Variants in RIF1 observed in about 807,000 individuals in gnomAD.
The protein encoded by RIF1 is telomere-associated protein RIF1.
In RIF1, 45 loss-of-function variants were observed where a neutral mutation model predicts 247.1. The observed-to-expected ratio is 0.18, with a 90% CI of 0.14 to 0.23. The LOEUF is 0.23. Ranked by LOEUF, RIF1 falls within the 10% of genes least tolerant of loss-of-function variation. The pLI is 1.00. For synonymous variants in RIF1, 1,087 were observed against 978.8 expected, an observed-to-expected ratio of 1.11 and a Z score of -2.06; for missense variants, 2,967 against 2,862.5, an observed-to-expected ratio of 1.04 and a Z score of -0.83.
chr2:151,448,478 T>TA (rs1381557463), intron 20 of RIF1, among the ~76,000 whole-genome samples: 1 of 152,228 alleles, frequency 6.6e-6, no homozygotes, highest in Non-Finnish European at 1.5e-5. Flanking sequence ...TTTATATACA[T>TA]ATCCTCTACT....
chr2:151,489,896 C>T (rs562192701), intron 9 of RIF1: 1 of 1,167,148 alleles, frequency 8.6e-7, no homozygotes, highest in Non-Finnish European at 1.3e-6. Context: ...AACCGTAATA[C>T]CTAATACTTA....
At chr2:151,520,039 C>CAAA in the RIF1 span, 3 of 157,848 alleles carry the variant, frequency 1.9e-5, no homozygotes, top group Non-Finnish European at 3.9e-5. Flanking sequence ...TAATGCAAAA[C>CAAA]AAAAAAAAAA....
rs879117192 is a variant in RIF1, at chr2:151,496,676, G to A, written c.*513+1350G>A. Among the ~76,000 whole-genome samples the A allele has an allele frequency of 3.3e-5, 5 of 152,122 alleles. No individual in the cohort carries two copies. The South Asian group carries it at 1.0e-3, about 32-fold the overall frequency. ...ATCACATGAGGATTTGAGACTGTTA[G>A]AACTCAGTGTTGTTATCCACACAAA... On this transcript the variant is annotated intron_variant and NMD_transcript_variant, in intron 10 of 13. Coordinates refer to the RIF1 transcript ENST00000454583.
the RIF1 span, chr2:151,514,297 G>A: frequency 2.0e-6 from 3 of 1,510,854 alleles, no homozygotes; most frequent in Admixed American, 5.0e-5. Context: ...ATTACGTGCA[G>A]GCAGTCAGCT....
At position 151,428,795 on chromosome 2, in the gene RIF1, A is replaced by T. The variant is rs144765442; in HGVS notation, c.798A>T (p.Arg266=). 9 of 1,604,902 alleles carry T rather than the reference A, an allele frequency of 5.6e-6. No individual in the cohort carries two copies. The African/African-American group carries it at 9.4e-5, about 17-fold the overall frequency. ...TTTCCCCTTTTTAGACCTTGCATCG[A>T]AGTGGGAGTTTCATCAATTCTCTCT... ...FVKLLGRTLH[R]SGSFINSLLQ... The change falls in exon 9 of 36, where the codon CGA becomes CGT. Residue 266 remains arginine (R), a synonymous_variant. Coordinates refer to ENST00000444746, the MANE Select transcript of RIF1 (RefSeq NM_018151.5).
Position 151,465,860 on chromosome 2 carries a change from C to T in RIF1, c.6340C>T (p.His2114Tyr), listed in dbSNP as rs2152505852. ...GGAAAGTGATATTTTACAGGAAGAT[C>T]ACCATACTTCACAGAAAGTGGAGGA... ...VMESDILQED[H>Y]HTSQKVEEPS... is the part of the protein sequence containing the mutation. The change falls in exon 30 of 36, where the codon CAC (histidine) becomes TAC (tyrosine). Residue 2114 changes from histidine (H) to tyrosine (Y), a missense_variant. Around this residue, in one of 7 missense-constraint regions of RIF1, gnomAD observed 2,028 missense variants for 1,825.6 expected, o/e 1.11. Coordinates refer to ENST00000444746, the MANE Select transcript of RIF1 (RefSeq NM_018151.5). 1 of 1,613,028 alleles carries T rather than the reference C, an allele frequency of 6.2e-7. No individual in the cohort carries two copies. Among genetic ancestry groups the T allele is most frequent in the Non-Finnish European group, 8.5e-7 (1 of 1,178,984 alleles).
intron 25 of RIF1, 96 bp from the exon 26 acceptor site, chr2:151,459,904 G>A (rs1034644804): frequency 3.1e-6 from 3 of 983,400 alleles, no homozygotes; most frequent in African/African-American, 3.4e-5. Context: ...GACAATATTT[G>A]CAATTACTAT....
At chr2:151,429,180 T>A (rs1048604766) in intron 9 of RIF1, among the ~76,000 whole-genome samples, 3 of 152,132 alleles carry the variant, frequency 2.0e-5, no homozygotes, top group Admixed American at 6.6e-5. Context: ...TGGCTTCCTT[T>A]TTTATTTATT....
chr2:151,493,117 T>A (rs1260810910), intron 9 of RIF1: 2 of 449,062 alleles, frequency 4.5e-6, no homozygotes, highest in Non-Finnish European at 8.0e-6. Context: ...TAACTTGTTA[T>A]GTTTAGTATG....
chr2:151,416,697 A>C lies in RIF1; in HGVS notation c.408+9A>C. ...AAGTGGTTGGCAAAATGGTGAGTAT[A>C]GTTTTTGGGTATGCCATCTTAACTA... On this transcript the variant is annotated intron_variant, in intron 5 of 35. Transcript: ENST00000444746. The C allele has an allele frequency of 1.2e-6, 2 of 1,611,884 alleles. No individual in the cohort carries two copies. The highest frequency in any genetic ancestry group is 2.2e-5 in the South Asian group (2 of 90,320).
At chr2:151,423,300 A>G in intron 8 of RIF1, 2 of 363,290 alleles carry the variant, frequency 5.5e-6, no homozygotes, top group Non-Finnish European at 9.8e-6. Flanking sequence ...AAGCAAGGTT[A>G]CGCTCTGCCT....
chr2:151,429,624 A>G (rs985548431), intron 9 of RIF1, among the ~76,000 whole-genome samples: 11 of 152,256 alleles, frequency 7.2e-5, no homozygotes, highest in African/African-American at 2.7e-4. Flanking sequence ...CATAACCAGT[A>G]GATGATAGGA....
At chr2:151,441,794 C>T (rs1038126160) in intron 15 of RIF1, 111 bp from the exon 16 acceptor site, 9 of 491,740 alleles carry the variant, frequency 1.8e-5, no homozygotes, top group African/African-American at 6.2e-5. Flanking sequence ...ATTATATTTA[C>T]GTTAATGAAT....
intron 24 of RIF1, among the ~76,000 whole-genome samples, chr2:151,458,585 T>G (rs919065524): frequency 6.6e-6 from 1 of 152,124 alleles, no homozygotes; most frequent in African/African-American, 2.4e-5. Context: ...CTACTTCTTA[T>G]TGGAATTTTC....
chr2:151,498,700 C>T (rs1343898485), intron 10 of RIF1, among the ~76,000 whole-genome samples: 1 of 152,116 alleles, frequency 6.6e-6, no homozygotes, highest in Non-Finnish European at 1.5e-5. Flanking sequence ...AAGGAAGTTA[C>T]TTTTGATTTG....
chr2:151,453,094 A>C (rs1694604905), intron 21 of RIF1, among the ~76,000 whole-genome samples: 1 of 152,212 alleles, frequency 6.6e-6, no homozygotes, highest in Admixed American at 6.5e-5. Context: ...GCAAGAGTTT[A>C]TGTGGAAACT....
chr2:151,416,985 G>A (rs1276121960), intron 6 of RIF1, 84 bp downstream of exon 6: 1 of 966,568 alleles, frequency 1.0e-6, no homozygotes, highest in Non-Finnish European at 1.6e-6. Context: ...TTAAATGAGA[G>A]ACAGACATTA....
chr2:151,416,673 A>G lies in RIF1; in HGVS notation c.393A>G (p.Glu131=). The G allele has an allele frequency of 6.2e-7, 1 of 1,612,734 alleles. No individual in the cohort carries two copies. Among genetic ancestry groups the G allele is most frequent in the Non-Finnish European group, 8.5e-7 (1 of 1,179,708 alleles). The change falls in exon 5 of 36, where the codon GAA becomes GAG. Residue 131 remains glutamate, a synonymous_variant. Transcript: ENST00000444746. ...TATCTAAGCAGACATTTCCCTCTGAAGTGGTTGGCAAAATGGTGAGTATAG... is the reference window on the plus strand; with the variant it reads ...TATCTAAGCAGACATTTCCCTCTGAGGTGGTTGGCAAAATGGTGAGTATAG... ...WVISKQTFPS[E]VVGKMVSSII... is the part of the protein sequence containing the mutation.
intron 9 of RIF1, 55 bp from the exon 10 acceptor site, chr2:151,433,022 A>C: frequency 2.0e-5 from 27 of 1,365,448 alleles, no homozygotes; most frequent in Non-Finnish European, 2.8e-5. Flanking sequence ...AGCTAGTGTT[A>C]GAGTTAATCT....
Sources: gnomAD v4.1 joint callset for allele counts (sites outside exome capture counted in the v4.1 genomes callset) on GRCh38, gnomAD v4.1.1 for gene constraint, gnomAD v4.1.1 regional missense constraint, MANE v1.5 for transcripts, NCBI Gene and HGNC (gene_info 2026-07-23, HGNC 2026-07-21) for gene names.